EPHB2: variants seen among roughly 807,000 people sequenced by gnomAD.
The protein encoded by EPHB2 is EPH receptor B2.
Under a neutral mutation model 96.4 loss-of-function variants are expected in EPHB2, and 18 were observed. The observed-to-expected ratio is 0.19, with a 90% CI of 0.13 to 0.28. The LOEUF is 0.28. EPHB2 is among the 10% of genes least tolerant of loss of function. The pLI is 1.00. For missense variants in EPHB2, 989 were observed against 1,355.4 expected (o/e 0.73, Z 4.25); for synonymous variants, 506 against 534.1 (o/e 0.95, Z 0.72).
chr1:22,836,099 G>A (rs1645378948), intron 3 of EPHB2: 1 of 152,176 alleles, frequency 6.6e-6, no homozygotes, highest in African/African-American at 2.4e-5. Context: ...ATGAATCACC[G>A]GCCCAGGGGC....
chr1:22,756,776 G>C (rs1278116612), intron 1 of EPHB2, among the ~76,000 whole-genome samples: 4 of 152,208 alleles, frequency 2.6e-5, no homozygotes, highest in African/African-American at 9.7e-5. Flanking sequence ...GGGGTGAGTA[G>C]AGAGAGGCTA....
At chr1:22,754,552 G>C (rs767028965) in intron 1 of EPHB2, among the ~76,000 whole-genome samples, 3 of 151,600 alleles carry the variant, frequency 2.0e-5, no homozygotes, top group Non-Finnish European at 4.4e-5. Flanking sequence ...CAGGGAGGGA[G>C]GAAAAGGTGG....
Position 22,858,993 on chromosome 1 carries a change from C to G in EPHB2, c.812-4044C>G, listed in dbSNP as rs1645748336. ...TAGGCACTGTATACAAAAAAATTAG[C>G]CCGGCGTGGTGGTGCATGCCTGTAA... On this transcript the variant is annotated intron_variant, in intron 3 of 15. Coordinates refer to ENST00000374630, the MANE Select transcript of EPHB2 (RefSeq NM_017449.5). This position sits in a 1 kb window ranked among gnomAD's most constrained non-coding sequence, Gnocchi z 7.7. Among the ~76,000 whole-genome samples the G allele has an allele frequency of 6.6e-6, 1 of 152,286 alleles. No individual in the cohort carries two copies. The highest frequency in any genetic ancestry group is 1.9e-4 in the East Asian group (1 of 5,174).
intron 1 of EPHB2, among the ~76,000 whole-genome samples, chr1:22,779,662 A>T (rs1644501218): frequency 6.6e-6 from 1 of 152,240 alleles, no homozygotes; most frequent in Non-Finnish European, 1.5e-5. Context: ...CTAGGAGGCA[A>T]GACACCTGCA....
chr1:22,852,536 C>G (rs1174790588), intron 3 of EPHB2, among the ~76,000 whole-genome samples: 1 of 152,204 alleles, frequency 6.6e-6, no homozygotes, highest in East Asian at 1.9e-4. Context: ...GCTCTCAGCC[C>G]CCACTGTGGG....
intron 1 of EPHB2, chr1:22,775,105 A>C: frequency 1.3e-6 from 1 of 746,762 alleles, no homozygotes; most frequent in South Asian, 1.4e-5. Context: ...ATAAATGCAC[A>C]CACACAAGCC....
At chr1:22,796,367 G>T (rs542806240) in intron 3 of EPHB2, among the ~76,000 whole-genome samples, 1 of 152,124 alleles carries the variant, frequency 6.6e-6, no homozygotes, top group Non-Finnish European at 1.5e-5. Context: ...CTCCTTCCTC[G>T]GGCCTTCCCA....
chr1:22,864,756 G>A (rs1638407647), intron 4 of EPHB2, 121 bp from the exon 5 acceptor site: 3 of 648,234 alleles, frequency 4.6e-6, no homozygotes, highest in South Asian at 2.0e-5. Flanking sequence ...GGGGAGACAG[G>A]ACAAAGAATT....
intron 5 of EPHB2, among the ~76,000 whole-genome samples, chr1:22,879,507 G>T (rs1028662174): frequency 1.3e-5 from 2 of 152,196 alleles, no homozygotes; most frequent in Non-Finnish European, 2.9e-5. Context: ...GAGGGATGGC[G>T]CTGGGGCTGA....
At chr1:22,711,412 C>T (rs1290383140) in intron 1 of EPHB2, among the ~76,000 whole-genome samples, 2 of 146,544 alleles carry the variant, frequency 1.4e-5, no homozygotes, top group African/African-American at 5.0e-5. Context: ...GGCGCGGGCC[C>T]GGCCGTGGCG....
chr1:22,735,746 A>C (rs1643813378), intron 1 of EPHB2, among the ~76,000 whole-genome samples: 1 of 152,120 alleles, frequency 6.6e-6, no homozygotes, highest in Non-Finnish European at 1.5e-5. Flanking sequence ...CTTCCTTGAA[A>C]TCCTCTTCCC....
At chr1:22,814,796 C>T (rs1194939076) in intron 3 of EPHB2, among the ~76,000 whole-genome samples, 4 of 152,218 alleles carry the variant, frequency 2.6e-5, no homozygotes, top group Non-Finnish European at 5.9e-5. Context: ...CTCACCAGGC[C>T]AGCCGAGGCC....
At chr1:22,861,259 T>G (rs1412092959) in intron 3 of EPHB2, among the ~76,000 whole-genome samples, 1 of 152,190 alleles carries the variant, frequency 6.6e-6, no homozygotes. Context: ...GCCAGCAGCC[T>G]GCACACTAAC....
chr1:22,863,892 A>T (rs1306711160), intron 4 of EPHB2, among the ~76,000 whole-genome samples: 1 of 151,766 alleles, frequency 6.6e-6, no homozygotes, highest in Non-Finnish European at 1.5e-5. Flanking sequence ...CACCCAGCTA[A>T]TTTTTCTAAT....
intron 5 of EPHB2, among the ~76,000 whole-genome samples, chr1:22,865,538 G>A (rs540896629): frequency 3.9e-5 from 6 of 152,316 alleles, no homozygotes; most frequent in Admixed American, 1.3e-4. Flanking sequence ...CCACGTCAGC[G>A]TGGTGACTCT....
In EPHB2 at chr1:22,906,945, C is replaced by T. The variant is rs770156448; in HGVS notation, c.2124C>T (p.Asp708=). The change falls in exon 11 of 16, where the codon GAC becomes GAT. Residue 708 remains aspartate (D), a synonymous_variant. Coordinates refer to ENST00000374630, the MANE Select transcript of EPHB2 (RefSeq NM_017449.5). The surrounding 1 kb of genome is among the most constrained non-coding windows in gnomAD (Gnocchi z 4.8). ...ITEFMENGSL[D]SFLRQNDGQF... is the part of the protein sequence containing the mutation. ...AGTTCATGGAGAATGGCTCCCTGGA[C>T]TCCTTTCTCCGGGTAGGGGAAGCCA... is the stretch of plus-strand genomic sequence containing the variant. 2 of 1,609,602 alleles carry T rather than the reference C, an allele frequency of 1.2e-6. No homozygotes were observed. The highest frequency in any genetic ancestry group is 3.3e-5 in the Admixed American group (2 of 59,878).
At position 22,865,116 on chromosome 1, in the gene EPHB2, C is replaced by G; in HGVS notation, c.1207C>G (p.Gln403Glu). 1 of 1,614,240 alleles carries G rather than the reference C, an allele frequency of 6.2e-7. No individual in the cohort carries two copies. The highest frequency in any genetic ancestry group is 8.5e-7 in the Non-Finnish European group (1 of 1,180,048). ...CATCAGTGACCTGCTGGCCCACACC[C>G]AGTACACCTTCGAGATCCAGGCTGT... ...IYISDLLAHT[Q>E]YTFEIQAVNG... Residue 403 changes from glutamine (Q) to glutamate (E), a missense_variant, in exon 5 of 16, where the codon CAG becomes GAG. Physicochemically the swap from Gln to Glu is conservative, Grantham distance 29 (BLOSUM62 2). Coordinates refer to ENST00000374630, the MANE Select transcript of EPHB2 (RefSeq NM_017449.5).
At position 22,914,619 on chromosome 1, in the gene EPHB2, G is replaced by A. The variant is rs187028066; in HGVS notation, c.*1049G>A. On this transcript the variant is annotated 3_prime_UTR_variant, in exon 16 of 16. Transcript: ENST00000374630. Reference sequence around the variant, plus strand: ...TTTTGAGGACTTGATCCTTCTCCAGGAAGAAGGTGCTTTCTGCTTACTGAC... The same window carrying A: ...TTTTGAGGACTTGATCCTTCTCCAGAAAGAAGGTGCTTTCTGCTTACTGAC... The A allele has an allele frequency of 6.6e-6, 1 of 152,654 alleles. No homozygotes were observed. The highest frequency in any genetic ancestry group is 6.5e-5 in the Admixed American group (1 of 15,292). 9.5% of individuals were successfully genotyped at this position (152,654 alleles called of 1,614,324 possible). A position where few individuals can be genotyped will look rare whatever the true frequency, so the allele number is the denominator to read the frequency against.
chr1:22,821,253 G>T (rs1471727382), intron 3 of EPHB2, among the ~76,000 whole-genome samples: 1 of 152,168 alleles, frequency 6.6e-6, no homozygotes, highest in Non-Finnish European at 1.5e-5. Context: ...GAAATCACAT[G>T]ACTATACTAC....
Sources: allele counts gnomAD v4.1 joint callset (sites outside exome capture counted in the v4.1 genomes callset), GRCh38; gene constraint gnomAD v4.1.1; non-coding constraint Gnocchi (gnomAD v3.1); transcripts MANE v1.5; gene names NCBI Gene and HGNC (gene_info 2026-07-23, HGNC 2026-07-21).